CDH12: variants seen among roughly 807,000 people sequenced by gnomAD.
CDH12 encodes the protein cadherin 12.
In CDH12, 41 loss-of-function variants were observed where a neutral mutation model predicts 74.1. The observed-to-expected ratio is 0.55, with a 90% CI of 0.43 to 0.72. The LOEUF is 0.72. CDH12 is among the 30% of genes least tolerant of loss of function. CDH12 has a pLI of 0.00. For synonymous variants in CDH12, 399 were observed against 355.0 expected (o/e 1.12, Z -1.39); for missense variants, 945 against 977.2 (o/e 0.97, Z 0.44).
Position 22,470,386 on chromosome 5 carries a change from G to C in CDH12, c.-428+34884C>G, listed in dbSNP as rs139216923. On this transcript the variant is annotated intron_variant, in intron 2 of 14. Coordinates refer to ENST00000382254, the MANE Select transcript of CDH12 (RefSeq NM_004061.5). ...TTATTTTTCCATTTAATGAATGATT[G>C]TTACAATTATTTTTATTTTATTTTA... is the stretch of plus-strand genomic sequence containing the variant. 9.9e-3 allele frequency among the ~76,000 whole-genome samples: 1,260 copies of C among 127,814 alleles called. 16 individuals carry two copies. Among genetic ancestry groups the C allele is most frequent in the African/African-American group, 0.034 (1,198 of 34,780 alleles). The allele number at this position is 127,814 out of a possible 152,430, so 83.9% of individuals were successfully genotyped here. A position where few individuals can be genotyped will look rare whatever the true frequency, so the allele number is the denominator to read the frequency against.
intron 2 of CDH12, among the ~76,000 whole-genome samples, chr5:22,493,831 C>T (rs747029645): frequency 6.6e-6 from 1 of 152,116 alleles, no homozygotes; most frequent in Non-Finnish European, 1.5e-5. Flanking sequence ...GACCTGGAAA[C>T]AAGCCTGCAA....
At chr5:22,218,319 C>A (rs547997983) in intron 3 of CDH12, among the ~76,000 whole-genome samples, 64 of 151,560 alleles carry the variant, frequency 4.2e-4, no homozygotes, top group Non-Finnish European at 7.4e-4. Flanking sequence ...CACAATGGCT[C>A]CAAACTGGGG....
At chr5:22,046,332 A>G (rs1561054344) in intron 5 of CDH12, among the ~76,000 whole-genome samples, 1 of 152,186 alleles carries the variant, frequency 6.6e-6, no homozygotes, top group Non-Finnish European at 1.5e-5. Flanking sequence ...CAAAGTAGAA[A>G]GAGGCCTGAA....
intron 10 of CDH12, among the ~76,000 whole-genome samples, 185 bp downstream of exon 10, chr5:21,801,982 A>C (rs1378542766): frequency 6.6e-6 from 1 of 152,142 alleles, no homozygotes; most frequent in Non-Finnish European, 1.5e-5. Flanking sequence ...AATAGTTGAT[A>C]ATATGTTTTC....
At chr5:21,949,833 A>G (rs555967006) in intron 6 of CDH12, among the ~76,000 whole-genome samples, 2 of 152,352 alleles carry the variant, frequency 1.3e-5, no homozygotes, top group African/African-American at 2.4e-5. Context: ...AATAAGTTAA[A>G]AAGTTTATAA....
At chr5:21,952,827 C>T (rs1316679145) in intron 6 of CDH12, among the ~76,000 whole-genome samples, 4 of 151,048 alleles carry the variant, frequency 2.6e-5, no homozygotes, top group Non-Finnish European at 5.9e-5. Context: ...CATCTCTTTA[C>T]ATGGGTTTTT....
chr5:22,672,044 T>C (rs1465138014), intron 1 of CDH12, among the ~76,000 whole-genome samples: 4 of 143,540 alleles, frequency 2.8e-5, no homozygotes, highest in Admixed American at 7.2e-5. Context: ...GTAAAATATA[T>C]ATAATAAATA....
chr5:21,796,087 G>A (rs1307792872), intron 10 of CDH12, among the ~76,000 whole-genome samples: 3 of 151,746 alleles, frequency 2.0e-5, no homozygotes, highest in Admixed American at 6.6e-5. Flanking sequence ...TTTAAGTGAC[G>A]GGTTTTTGTT....
intron 3 of CDH12, among the ~76,000 whole-genome samples, chr5:22,252,898 T>C (rs1216846904): frequency 6.6e-6 from 1 of 151,972 alleles, no homozygotes; most frequent in Non-Finnish European, 1.5e-5. Context: ...TATCCTTTTT[T>C]AGAAACATGT....
intron 1 of CDH12, among the ~76,000 whole-genome samples, chr5:22,555,874 CCAAA>C (rs1561488131): frequency 6.9e-6 from 1 of 145,174 alleles, no homozygotes; most frequent in Non-Finnish European, 1.5e-5. Flanking sequence ...ACAATCAAGA[CCAAA>C]CAAGATATAT....
intron 1 of CDH12, among the ~76,000 whole-genome samples, chr5:22,509,432 C>T (rs1736514704): frequency 6.6e-6 from 1 of 152,134 alleles, no homozygotes; most frequent in Non-Finnish European, 1.5e-5. Context: ...TGGTACAGTA[C>T]ACCTTTCAGT....
chr5:22,252,316 G>A (rs1302996600), intron 3 of CDH12, among the ~76,000 whole-genome samples: 2 of 151,616 alleles, frequency 1.3e-5, no homozygotes, highest in Non-Finnish European at 2.9e-5. Context: ...CAACATTTTT[G>A]TTAATGTATA....
chr5:22,323,060 A>C (rs1173095505), intron 3 of CDH12, among the ~76,000 whole-genome samples: 1 of 152,166 alleles, frequency 6.6e-6, no homozygotes, highest in Non-Finnish European at 1.5e-5. Flanking sequence ...GCAAGAGAAA[A>C]TTGCTTGCTG....
At chr5:21,900,401 T>A (rs182284193) in intron 6 of CDH12, among the ~76,000 whole-genome samples, 1 of 152,348 alleles carries the variant, frequency 6.6e-6, no homozygotes, top group East Asian at 1.9e-4. Context: ...ATGACAGGTA[T>A]GTAGTATATT....
At chr5:21,961,387 CA>C (rs940399425) in intron 6 of CDH12, among the ~76,000 whole-genome samples, 13 of 150,590 alleles carry the variant, frequency 8.6e-5, no homozygotes, top group East Asian at 3.9e-4. Flanking sequence ...GACTCTGTCT[CA>C]AAAAAAAATG....
intron 3 of CDH12, among the ~76,000 whole-genome samples, chr5:22,253,830 A>G (rs1753215732): frequency 6.6e-6 from 1 of 151,840 alleles, no homozygotes; most frequent in African/African-American, 2.4e-5. Context: ...TGATGAATGG[A>G]AGTGGTGCTT....
At chr5:22,459,700 T>G (rs1233463998) in intron 2 of CDH12, among the ~76,000 whole-genome samples, 1 of 151,946 alleles carries the variant, frequency 6.6e-6, no homozygotes, top group African/African-American at 2.4e-5. Flanking sequence ...ATTGGCTGGG[T>G]GCAGTGGCTC....
At chr5:21,993,645 T>G (rs1736098944) in intron 5 of CDH12, among the ~76,000 whole-genome samples, 1 of 152,056 alleles carries the variant, frequency 6.6e-6, no homozygotes, top group African/African-American at 2.4e-5. Context: ...CTATCAACAA[T>G]ATGAATTATC....
At chr5:22,638,901 A>C (rs1408647276) in intron 1 of CDH12, 3 of 151,026 alleles carry the variant, frequency 2.0e-5, no homozygotes, top group Non-Finnish European at 4.4e-5. Context: ...ATACAAAAAA[A>C]TTAGCCGGGC....
Sources: allele counts gnomAD v4.1 joint callset (sites outside exome capture counted in the v4.1 genomes callset), GRCh38; gene constraint gnomAD v4.1.1; transcripts MANE v1.5; gene names NCBI Gene and HGNC (gene_info 2026-07-23, HGNC 2026-07-21).